Variants in RAD50 observed in about 807,000 individuals in gnomAD.
RAD50 encodes RAD50 double strand break repair protein.
Under a neutral mutation model 168.8 loss-of-function variants are expected in RAD50, and 132 were observed. The ratio of observed to expected loss-of-function variants is 0.78; its 90% CI spans 0.68 to 0.90. The LOEUF (loss-of-function observed/expected upper bound fraction) is 0.90, where lower values mean the gene tolerates loss of function less well. RAD50 is among the 40% of genes least tolerant of loss of function. RAD50 has a pLI of 0.00. For synonymous variants in RAD50, 525 were observed against 497.4 expected (o/e 1.06, Z -0.74); for missense variants, 1,347 against 1,534.4 (o/e 0.88, Z 2.04).
chr5:132,574,693 C>T (rs957515247), intron 2 of RAD50, among the ~76,000 whole-genome samples: 1 of 151,662 alleles, frequency 6.6e-6, no homozygotes, highest in African/African-American at 2.4e-5. Flanking sequence ...AATACTGCAT[C>T]CCTTTAACAG....
chr5:132,636,086 T>A (rs1751576586), intron 21 of RAD50, among the ~76,000 whole-genome samples: 2 of 152,242 alleles, frequency 1.3e-5, no homozygotes, highest in Non-Finnish European at 2.9e-5. Flanking sequence ...TCTTTTTTTG[T>A]ATGCATCAGA....
rs1023445469 is a variant in RAD50 at position 132,642,872 on chromosome 5, C to CCT, written c.*517_*518dup. On this transcript the variant is annotated 3_prime_UTR_variant, in exon 25 of 25. Coordinates refer to ENST00000378823, the MANE Select transcript of RAD50 (RefSeq NM_005732.4). ...GCTTTTAACTTTATAAATCCAGTGA[C>CCT]CTCTCTCTCTGGGACTTGGTTTCCC... 2.6e-6 allele frequency: 1 copy of CCT among 381,254 alleles called. No homozygotes were observed. The highest frequency in any genetic ancestry group is 5.3e-6 in the Non-Finnish European group (1 of 189,736). 23.6% of individuals were successfully genotyped at this position (381,254 alleles called of 1,614,324 possible).
At chr5:132,627,715 T>C (rs974911392) in intron 21 of RAD50, among the ~76,000 whole-genome samples, 12 of 152,208 alleles carry the variant, frequency 7.9e-5, no homozygotes, top group Non-Finnish European at 1.5e-4. Flanking sequence ...TCTAACTGCA[T>C]TGGGCAGTCA....
At chr5:132,590,601 A>G (rs1162284648) in intron 9 of RAD50, among the ~76,000 whole-genome samples, 2 of 152,188 alleles carry the variant, frequency 1.3e-5, no homozygotes, top group Non-Finnish European at 2.9e-5. Context: ...TTCTTAGCCA[A>G]TCTTTTCAGG....
chr5:132,599,395 C>G (rs1046220653), intron 13 of RAD50, among the ~76,000 whole-genome samples: 2 of 152,170 alleles, frequency 1.3e-5, no homozygotes, highest in African/African-American at 2.4e-5. Context: ...TTAGCAAGCT[C>G]TAACAGAATG....
chr5:132,589,949 C>A, intron 9 of RAD50, 112 bp downstream of exon 9: 1 of 1,006,854 alleles, frequency 9.9e-7, no homozygotes, highest in Non-Finnish European at 1.5e-6. Context: ...TCAACTTTGT[C>A]TTATTCTCAT....
In RAD50 at chr5:132,595,054, CTACTT is replaced by C. The variant is rs1271212270; in HGVS notation, c.1969+13_1969+17del. 5.6e-6 allele frequency: 9 copies of C among 1,602,222 alleles called. No individual in the cohort carries two copies. The highest frequency in any genetic ancestry group is 1.1e-5 in the South Asian group (1 of 90,770). On this transcript the variant is annotated intron_variant, in intron 12 of 24. Transcript: ENST00000378823. ...TCATCAAAACAGCGAGGTAAGTTGTCTACTTTATATTATCAGGATACTTTGACACC... is the reference window on the plus strand; with the variant it reads ...TCATCAAAACAGCGAGGTAAGTTGTCTATATTATCAGGATACTTTGACACC...
intron 2 of RAD50, among the ~76,000 whole-genome samples, chr5:132,564,636 A>G (rs533584471): frequency 6.6e-6 from 1 of 152,128 alleles, no homozygotes; most frequent in Non-Finnish European, 1.5e-5. Flanking sequence ...AGAAAAACCC[A>G]TTTTCTGGGG....
At chr5:132,631,118 CTT>C (rs34124696) in intron 21 of RAD50, among the ~76,000 whole-genome samples, 16 of 129,048 alleles carry the variant, frequency 1.2e-4, no homozygotes, top group South Asian at 2.6e-4. Flanking sequence ...GAGAGTCTCA[CTT>C]TTTTTTTTTT....
chr5:132,616,950 G>A (rs1172908005), intron 20 of RAD50, among the ~76,000 whole-genome samples: 1 of 152,154 alleles, frequency 6.6e-6, no homozygotes, highest in Non-Finnish European at 1.5e-5. Flanking sequence ...TTAATCCTGT[G>A]TTTTGGTTAA....
Position 132,578,511 on chromosome 5 carries a change from A to AT in RAD50, c.366-798dup, listed in dbSNP as rs1334747758. ...GCATTCTTAATATATTCAGTATAAT[A>AT]TTTTTTTTCTTTCTTTTTTTTTTTT... On this transcript the variant is annotated intron_variant, in intron 3 of 24. Coordinates refer to ENST00000378823, the MANE Select transcript of RAD50 (RefSeq NM_005732.4). Among the ~76,000 whole-genome samples the AT allele has an allele frequency of 4.7e-4, 57 of 120,974 alleles. No individual in the cohort carries two copies. The East Asian group carries it at 7.2e-3, about 15-fold the overall frequency. The allele number at this position is 120,974 out of a possible 152,430, so 79.4% of individuals were successfully genotyped here.
intron 21 of RAD50, among the ~76,000 whole-genome samples, chr5:132,630,144 G>A (rs561274130): frequency 6.6e-6 from 1 of 151,626 alleles, no homozygotes; most frequent in Admixed American, 6.6e-5. Context: ...CCGGGTTCAA[G>A]CAATTCTTCT....
rs1751756455 is a variant in RAD50, at chr5:132,642,704, C to G, written c.*340C>G. 1 of 407,512 alleles carries G rather than the reference C, an allele frequency of 2.5e-6. No homozygotes were observed. The highest frequency in any genetic ancestry group is 2.8e-5 in the South Asian group (1 of 36,246). The allele number at this position is 407,512 out of a possible 1,614,324, so 25.2% of individuals were successfully genotyped here. Reference sequence around the variant, plus strand: ...AGCACTGTTGAGAAGGAGATAATTACTGCCTTGAAAATTTATGGTTTTGGT... The same window carrying G: ...AGCACTGTTGAGAAGGAGATAATTAGTGCCTTGAAAATTTATGGTTTTGGT... On this transcript the variant is annotated 3_prime_UTR_variant, in exon 25 of 25. Coordinates refer to ENST00000378823, the MANE Select transcript of RAD50 (RefSeq NM_005732.4).
chr5:132,637,914 C>T, intron 22 of RAD50, 167 bp from the exon 23 acceptor site: 1 of 749,320 alleles, frequency 1.3e-6, no homozygotes, highest in Non-Finnish European at 2.2e-6. Context: ...GCCAGACCAC[C>T]AGGCTCTTGA....
At position 132,557,358 on chromosome 5, in the gene RAD50, G is replaced by T. The variant is rs755022536; in HGVS notation, c.34G>T (p.Val12Leu). 3.1e-6 allele frequency: 5 copies of T among 1,614,080 alleles called. No individual in the cohort carries two copies. The South Asian group carries it at 4.4e-5, about 14-fold the overall frequency. ...GATCGAAAAGATGAGCATTCTGGGC[G>T]TGCGGAGTTTTGGAATAGAGGACAA... Reference protein sequence around the residue: ...SRIEKMSILGVRSFGIEDKDK... With the variant: ...SRIEKMSILGLRSFGIEDKDK... The change falls in exon 1 of 25, where the codon GTG becomes TTG. Residue 12 changes from valine (V) to leucine (L), a missense_variant. Coordinates refer to ENST00000378823, the MANE Select transcript of RAD50 (RefSeq NM_005732.4).
rs780140238 is a variant in RAD50, at chr5:132,580,015, A to G, written c.705A>G (p.Thr235=). 2 of 1,613,586 alleles carry G rather than the reference A, an allele frequency of 1.2e-6. No homozygotes were observed. The highest frequency in any genetic ancestry group is 1.7e-6 in the Non-Finnish European group (2 of 1,179,568). The part of the protein sequence containing the change: ...DQITSKEAQL[T]SSKEIVKSYE... ...TTACAAGTAAGGAAGCCCAGTTAAC[A>G]TCTTCAAAGGAAATTGTCAAATCCT... The change falls in exon 5 of 25, where the codon ACA becomes ACG. Residue 235 remains threonine (T), a synonymous_variant. Transcript: ENST00000378823.
Position 132,642,922 on chromosome 5 carries a change from TG to T in RAD50, c.*562del. 4.4e-6 allele frequency: 2 copies of T among 451,686 alleles called. No individual in the cohort carries two copies. Among genetic ancestry groups the T allele is most frequent in the South Asian group, 1.8e-5 (1 of 54,272 alleles). 28.0% of individuals were successfully genotyped at this position (451,686 alleles called of 1,614,324 possible). A position where few individuals can be genotyped will look rare whatever the true frequency, so the allele number is the denominator to read the frequency against. On this transcript the variant is annotated 3_prime_UTR_variant, in exon 25 of 25. Coordinates refer to ENST00000378823, the MANE Select transcript of RAD50 (RefSeq NM_005732.4). ...CCAACTAAAATTTGAAGTAGTTGAA[TG>T]GGGTCTCAAAGTTTGACAGGAACCT...
At chr5:132,595,374 A>G in intron 12 of RAD50, 199 bp from the exon 13 acceptor site, 1 of 499,564 alleles carries the variant, frequency 2.0e-6, no homozygotes, top group Non-Finnish European at 3.4e-6. Context: ...TTACCAAAAA[A>G]TATTTATACA....
At chr5:132,612,107 A>C in intron 19 of RAD50, among the ~76,000 whole-genome samples, 1 of 152,222 alleles carries the variant, frequency 6.6e-6, no homozygotes, top group East Asian at 1.9e-4. Context: ...CAAAATATGG[A>C]CACACCCAAA....
Sources: gnomAD v4.1 joint callset for allele counts (sites outside exome capture counted in the v4.1 genomes callset) on GRCh38, gnomAD v4.1.1 for gene constraint, MANE v1.5 for transcripts, NCBI Gene and HGNC (gene_info 2026-07-23, HGNC 2026-07-21) for gene names.